Variants in UPK1B observed in about 807,000 individuals in gnomAD.
UPK1B encodes uroplakin 1B.
Under a neutral mutation model 34.2 loss-of-function variants are expected in UPK1B, and 28 were observed. That is an observed-to-expected ratio of 0.82 (90% CI 0.61 to 1.12). The LOEUF (loss-of-function observed/expected upper bound fraction) is 1.12, where lower values mean the gene tolerates loss of function less well. UPK1B is among the 50% of genes most tolerant of loss of function. The pLI, the probability that UPK1B is intolerant of heterozygous loss-of-function variation, is 0.00. For missense variants in UPK1B, 325 were observed against 320.9 expected (o/e 1.01, Z -0.10); for synonymous variants, 81 against 110.4 (o/e 0.73, Z 1.67).
rs754525263 is a variant in UPK1B, at chr3:119,203,987, T to A, written c.*20T>A. ...TATTAAGCATAAAGTGTTGCCACCA[T>A]ACCTCCTTCCCCGAGTGACTCTGGA... On this transcript the variant is annotated 3_prime_UTR_variant, in exon 8 of 8. Coordinates refer to ENST00000264234, the MANE Select transcript of UPK1B (RefSeq NM_006952.4). 6.2e-7 allele frequency: 1 copy of A among 1,613,322 alleles called. No individual in the cohort carries two copies. Among genetic ancestry groups the A allele is most frequent in the South Asian group, 1.1e-5 (1 of 91,076 alleles).
At chr3:119,174,642 A>T (rs1442188071) in intron 1 of UPK1B, among the ~76,000 whole-genome samples, 1 of 152,194 alleles carries the variant, frequency 6.6e-6, no homozygotes, top group Non-Finnish European at 1.5e-5. Flanking sequence ...CTTTTAATGA[A>T]AGACAACGTT....
At chr3:119,177,473 A>G (rs1208239299) in intron 1 of UPK1B, among the ~76,000 whole-genome samples, 1 of 152,222 alleles carries the variant, frequency 6.6e-6, no homozygotes, top group Non-Finnish European at 1.5e-5. Flanking sequence ...TCTCTCTGTG[A>G]GCCTTAAATT....
chr3:119,198,766 C>T (rs2078077818), intron 6 of UPK1B, among the ~76,000 whole-genome samples: 2 of 152,180 alleles, frequency 1.3e-5, no homozygotes, highest in South Asian at 4.1e-4. Flanking sequence ...TTATTGTCCA[C>T]ATATTCAGTA....
intron 1 of UPK1B, among the ~76,000 whole-genome samples, chr3:119,185,869 C>T (rs1242961352): frequency 6.6e-6 from 1 of 152,154 alleles, no homozygotes; most frequent in Non-Finnish European, 1.5e-5. Flanking sequence ...GTGAGAGACC[C>T]ATGTTCAGCT....
At chr3:119,203,349 A>AAAAACAAAAAC (rs1487792434) in intron 7 of UPK1B, among the ~76,000 whole-genome samples, 2 of 135,594 alleles carry the variant, frequency 1.5e-5, no homozygotes, top group African/African-American at 5.9e-5. Context: ...TCAAAAAAAA[A>AAAAACAAAAAC]AAAAAAAAAA....
chr3:119,198,933 A>T, intron 6 of UPK1B, 124 bp from the exon 7 acceptor site: 1 of 1,009,614 alleles, frequency 9.9e-7, no homozygotes, highest in Non-Finnish European at 1.5e-6. Context: ...ATGTGGAAAT[A>T]GCCTGGATAT....
intron 5 of UPK1B, among the ~76,000 whole-genome samples, chr3:119,192,964 C>G (rs1398435944): frequency 6.7e-6 from 1 of 150,194 alleles, no homozygotes; most frequent in Admixed American, 6.7e-5. Context: ...TCATCCCTCT[C>G]ATCTGCTTTC....
intron 1 of UPK1B, among the ~76,000 whole-genome samples, chr3:119,177,796 G>A (rs143459005): frequency 3.9e-5 from 6 of 152,286 alleles, no homozygotes; most frequent in African/African-American, 9.6e-5. Context: ...AAGAAAAGAC[G>A]TAACAACGTA....
In UPK1B at chr3:119,201,932, T is replaced by C. The variant is rs75666415; in HGVS notation, c.733-1985T>C. Among the ~76,000 whole-genome samples, 319 of 152,334 alleles carry C rather than the reference T, an allele frequency of 2.1e-3. 8 individuals carry two copies. In the East Asian group the frequency reaches 0.06, roughly 28 times the overall value. ...AGTGAAGTTTCTATTTGTGCCATAT[T>C]AGCAGGAACTGTGGGATAATGTTTA... On this transcript the variant is annotated intron_variant, in intron 7 of 7. Transcript: ENST00000264234.
At chr3:119,182,740 G>T (rs1312600972) in intron 1 of UPK1B, among the ~76,000 whole-genome samples, 1 of 152,146 alleles carries the variant, frequency 6.6e-6, no homozygotes, top group Non-Finnish European at 1.5e-5. Context: ...GCCATTTGGG[G>T]GATGCAGCAA....
At position 119,204,043 on chromosome 3, in the gene UPK1B, T is replaced by C; in HGVS notation, c.*76T>C. On this transcript the variant is annotated 3_prime_UTR_variant, in exon 8 of 8. Transcript: ENST00000264234. ...TGCTGGAACCAGCTCTCTCCTAATATTCCACGTTTGTGCCCCACACTAACG... is the reference window on the plus strand; with the variant it reads ...TGCTGGAACCAGCTCTCTCCTAATACTCCACGTTTGTGCCCCACACTAACG... 2.6e-6 allele frequency: 4 copies of C among 1,537,756 alleles called. No individual in the cohort carries two copies. The highest frequency in any genetic ancestry group is 1.7e-4 in the Middle Eastern group (1 of 5,920).
Position 119,190,989 on chromosome 3 carries a change from C to T in UPK1B, c.353C>T (p.Pro118Leu), listed in dbSNP as rs965985398. 11 of 1,613,760 alleles carry T rather than the reference C, an allele frequency of 6.8e-6. No homozygotes were observed. The highest frequency in any genetic ancestry group is 8.5e-6 in the Non-Finnish European group (10 of 1,179,880). ...TGCCTCTTCCTACTATAGTTCACAC[C>T]CAACCTCTTCCTGAAGCAGATGCTA... ...TAATQQDFFT[P>L]NLFLKQMLER... The change falls in exon 5 of 8, where the codon CCC becomes CTC. Residue 118 changes from proline (P) to leucine (L), a missense_variant. By Grantham distance (98) the Pro-to-Leu change is moderately conservative. Transcript: ENST00000264234.
At chr3:119,185,887 G>C (rs1275459080) in intron 1 of UPK1B, among the ~76,000 whole-genome samples, 1 of 152,162 alleles carries the variant, frequency 6.6e-6, no homozygotes, top group African/African-American at 2.4e-5. Context: ...GCTGTGTATG[G>C]CACCAAAGTC....
At chr3:119,186,979 A>T (rs2078021886) in intron 2 of UPK1B, among the ~76,000 whole-genome samples, 169 bp downstream of exon 2, 1 of 152,230 alleles carries the variant, frequency 6.6e-6, no homozygotes, top group African/African-American at 2.4e-5. Flanking sequence ...ATTTAACTGT[A>T]TGTCAAAAGA....
At chr3:119,177,548 C>G (rs564396520) in intron 1 of UPK1B, among the ~76,000 whole-genome samples, 3 of 152,312 alleles carry the variant, frequency 2.0e-5, no homozygotes, top group South Asian at 4.1e-4. Context: ...GAACAGGCAC[C>G]TGGCCAATAA....
intron 1 of UPK1B, among the ~76,000 whole-genome samples, chr3:119,179,542 C>T (rs1484936074): frequency 1.5e-5 from 1 of 67,246 alleles, no homozygotes; most frequent in Admixed American, 1.8e-4. Flanking sequence ...CGGAGTCTCG[C>T]TCTGTCGCCC....
At chr3:119,178,812 G>A (rs1422440630) in intron 1 of UPK1B, among the ~76,000 whole-genome samples, 1 of 152,126 alleles carries the variant, frequency 6.6e-6, no homozygotes, top group East Asian at 1.9e-4. Context: ...AGGATCATTT[G>A]AGAACCTCTG....
chr3:119,174,611 T>G (rs2077944230), intron 1 of UPK1B, among the ~76,000 whole-genome samples: 1 of 152,110 alleles, frequency 6.6e-6, no homozygotes, highest in Non-Finnish European at 1.5e-5. Context: ...TTTAAAGAAG[T>G]TTTGTTAACT....
intron 6 of UPK1B, among the ~76,000 whole-genome samples, chr3:119,198,519 G>T (rs1187806763): frequency 1.3e-5 from 2 of 152,174 alleles, no homozygotes; most frequent in Non-Finnish European, 2.9e-5. Flanking sequence ...ACCCTTCAAG[G>T]TCTCACTAGA....
Sources: gnomAD v4.1 joint callset for allele counts (sites outside exome capture counted in the v4.1 genomes callset) on GRCh38, gnomAD v4.1.1 for gene constraint, MANE v1.5 for transcripts, NCBI Gene and HGNC (gene_info 2026-07-23, HGNC 2026-07-21) for gene names.